Variants in SERPINF2 observed in about 807,000 individuals in gnomAD.
SERPINF2 encodes the protein alpha-2-antiplasmin.
In SERPINF2, 15 loss-of-function variants were observed where a neutral mutation model predicts 45.0. The observed-to-expected ratio is 0.33, with a 90% CI of 0.22 to 0.51. The LOEUF (loss-of-function observed/expected upper bound fraction) is 0.51. Among genes scored for constraint, SERPINF2 ranks in the 20% least tolerant of loss-of-function variants. SERPINF2 has a pLI of 0.97. For missense variants in SERPINF2, 518 were observed against 637.4 expected (o/e 0.81, Z 2.02); for synonymous variants, 283 against 277.9 (o/e 1.02, Z -0.18).
chr17:1,753,328 G>T (rs993667953), intron 9 of SERPINF2, among the ~76,000 whole-genome samples: 2 of 152,230 alleles, frequency 1.3e-5, no homozygotes, highest in African/African-American at 4.8e-5. Context: ...GGCTGAGGCT[G>T]CAGTGAGCCA....
Position 1,747,095 on chromosome 17 carries a change from G to A in SERPINF2, c.444G>A (p.Leu148=), listed in dbSNP as rs771226291. The part of the protein sequence containing the change: ...AGSGPCLPHL[L]SRLCQDLGPG... ...CAGGGCCCTGCCTCCCCCATCTGCTGAGCCGCCTCTGCCAGGACCTGGGCC... is the reference window on the plus strand; with the variant it reads ...CAGGGCCCTGCCTCCCCCATCTGCTAAGCCGCCTCTGCCAGGACCTGGGCC... Residue 148 remains leucine, a synonymous_variant, in exon 6 of 10, where the codon CTG becomes CTA. Coordinates refer to ENST00000453066, the MANE Select transcript of SERPINF2 (RefSeq NM_000934.4). 2.5e-6 allele frequency: 4 copies of A among 1,610,642 alleles called. No individual in the cohort carries two copies.
At chr17:1,746,852 C>A (rs1481291026) in intron 5 of SERPINF2, among the ~76,000 whole-genome samples, 167 bp from the exon 6 acceptor site, 3 of 152,188 alleles carry the variant, frequency 2.0e-5, no homozygotes, top group Admixed American at 6.5e-5. Context: ...GTCACCCAGC[C>A]TGTCAGCCAC....
At chr17:1,743,000 A>T in intron 1 of SERPINF2, 92 bp downstream of exon 1, 1 of 985,380 alleles carries the variant, frequency 1.0e-6, no homozygotes, top group Non-Finnish European at 1.2e-6. Flanking sequence ...TTTATTCAGG[A>T]GGCCTGTCAC....
chr17:1,754,186 C>T lies in SERPINF2; in HGVS notation c.1128C>T (p.Ser376=), dbSNP rs781095008. 2.2e-5 allele frequency: 36 copies of T among 1,612,386 alleles called. No homozygotes were observed. Among genetic ancestry groups the T allele is most frequent in the East Asian group, 1.6e-4 (7 of 44,896 alleles). The change falls in exon 10 of 10, where the codon TCC becomes TCT. Residue 376 remains serine (S), a synonymous_variant. Transcript: ENST00000453066. The part of the protein sequence containing the change: ...RGISEQSLVV[S]GVQHQSTLEL... ...TCTCCGAGCAGAGCCTGGTGGTGTC[C>T]GGCGTGCAGCATCAGTCCACCCTGG...
chr17:1,752,723 C>A lies in SERPINF2; in HGVS notation c.996C>A (p.Thr332=). The stretch of plus-strand genomic sequence containing the variant: ...CACCTCTGGTGTGGGAGAGGCCCAC[C>A]AAGGTCCGGCTGCCTAAGCTGTATC... The part of the protein sequence containing the change: ...LHPPLVWERP[T]KVRLPKLYLK... Residue 332 remains threonine (T), a synonymous_variant, in exon 9 of 10, where the codon ACC becomes ACA. Transcript: ENST00000453066. 4 of 1,614,110 alleles carry A rather than the reference C, an allele frequency of 2.5e-6. No homozygotes were observed. Among genetic ancestry groups the A allele is most frequent in the Non-Finnish European group, 3.4e-6 (4 of 1,180,034 alleles).
Position 1,745,749 on chromosome 17 carries a change from C to T in SERPINF2, c.207C>T (p.Val69=). 1.9e-6 allele frequency: 3 copies of T among 1,614,024 alleles called. No individual in the cohort carries two copies. The highest frequency in any genetic ancestry group is 2.5e-6 in the Non-Finnish European group (3 of 1,180,018). ...CTGCCCTGAAGAGTCCCCCAGGAGTCTGCAGCAGAGACCCCACCCCAGAGC... is the reference window on the plus strand; with the variant it reads ...CTGCCCTGAAGAGTCCCCCAGGAGTTTGCAGCAGAGACCCCACCCCAGAGC... The part of the protein sequence containing the change: ...GQTALKSPPG[V]CSRDPTPEQT... The change falls in exon 5 of 10, where the codon GTC becomes GTT. Residue 69 remains valine, a synonymous_variant. Coordinates refer to ENST00000453066, the MANE Select transcript of SERPINF2 (RefSeq NM_000934.4). This position sits in a 1 kb window ranked among gnomAD's most constrained non-coding sequence, Gnocchi z 6.2.
rs184186459 is a variant in SERPINF2 at position 1,744,474 on chromosome 17, C to T, written c.-4-518C>T. ...TGCCACTGCACTCCAGCCTGGTCAA[C>T]GAGAGCGAAACTCCGTCTCAAAAAA... On this transcript the variant is annotated intron_variant, in intron 1 of 9. Coordinates refer to ENST00000453066, the MANE Select transcript of SERPINF2 (RefSeq NM_000934.4). 554 of 900,468 alleles carry T rather than the reference C, an allele frequency of 6.2e-4. 1 individual carries two copies. The African/African-American group carries it at 8.0e-3, about 13-fold the overall frequency. The allele number at this position is 900,468 out of a possible 1,614,324, so 55.8% of individuals were successfully genotyped here. A position where few individuals can be genotyped will look rare whatever the true frequency, so the allele number is the denominator to read the frequency against.
At chr17:1,744,928 G>C (rs926583692) in intron 1 of SERPINF2, 64 bp from the exon 2 acceptor site, 85 of 1,611,194 alleles carry the variant, frequency 5.3e-5, no homozygotes, top group Non-Finnish European at 6.6e-5. Context: ...TGATCGCGTG[G>C]GTAGGATTCC....
chr17:1,743,687 C>T (rs549680583), intron 1 of SERPINF2, among the ~76,000 whole-genome samples: 2 of 143,440 alleles, frequency 1.4e-5, no homozygotes, highest in South Asian at 4.4e-4. Flanking sequence ...TGCACTCCAG[C>T]CTGCATGATA....
chr17:1,748,514 A>G, intron 7 of SERPINF2, 84 bp from the exon 8 acceptor site: 2 of 1,571,636 alleles, frequency 1.3e-6, no homozygotes, highest in African/African-American at 1.3e-5. Context: ...GCAGAGCCCA[A>G]GCTGGTCCCC....
In SERPINF2 at chr17:1,754,741, C is replaced by G. The variant is rs530113512; in HGVS notation, c.*207C>G. The G allele has an allele frequency of 4.9e-5, 31 of 631,448 alleles. No individual in the cohort carries two copies. The Admixed American group carries it at 8.8e-4, about 18-fold the overall frequency. The allele number at this position is 631,448 out of a possible 1,614,324, so 39.1% of individuals were successfully genotyped here. ...GCATCGGGGAGCCGGGAGCCTGACC[C>G]TCATCTTTCTTCCAAACAGGCTCAG... On this transcript the variant is annotated 3_prime_UTR_variant, in exon 10 of 10. Transcript: ENST00000453066.
At position 1,745,219 on chromosome 17, in the gene SERPINF2, G is replaced by T; in HGVS notation, c.102+6G>T. The T allele has an allele frequency of 6.4e-7, 1 of 1,572,786 alleles. No homozygotes were observed. Among genetic ancestry groups the T allele is most frequent in the Non-Finnish European group, 8.6e-7 (1 of 1,159,532 alleles). On this transcript the variant is annotated splice_donor_region_variant and intron_variant, in intron 3 of 9. Transcript: ENST00000453066. The surrounding 1 kb of genome is among the most constrained non-coding windows in gnomAD (Gnocchi z 6.2). ...TGGAGCCCTTGGGCCGGCAGGTACTGGGGAGTGAGGAGCCTGTGATGGGGG... is the reference window on the plus strand; with the variant it reads ...TGGAGCCCTTGGGCCGGCAGGTACTTGGGAGTGAGGAGCCTGTGATGGGGG...
Position 1,754,153 on chromosome 17 carries a change from G to A in SERPINF2, c.1095G>A (p.Leu365=), listed in dbSNP as rs1906630902. The change falls in exon 10 of 10, where the codon CTG becomes CTA. Residue 365 remains leucine (L), a synonymous_variant. Transcript: ENST00000453066. ...AGGAGTTGTTCCAGGCCCCAGACCT[G>A]CGTGGGATCTCCGAGCAGAGCCTGG... ...GLQELFQAPD[L]RGISEQSLVV... is the part of the protein sequence containing the mutation. 2.5e-6 allele frequency: 4 copies of A among 1,609,098 alleles called. No individual in the cohort carries two copies. Among genetic ancestry groups the A allele is most frequent in the Admixed American group, 3.3e-5 (2 of 60,004 alleles).
At chr17:1,746,035 C>T in intron 5 of SERPINF2, 126 bp downstream of exon 5, 4 of 1,083,254 alleles carry the variant, frequency 3.7e-6, no homozygotes, top group Non-Finnish European at 5.6e-6. Context: ...AATGCAGATT[C>T]CTAGGCCGGG....
chr17:1,744,545 C>A (rs1418317243), intron 1 of SERPINF2: 1 of 985,178 alleles, frequency 1.0e-6, no homozygotes, highest in Non-Finnish European at 1.2e-6. Context: ...TTGGTCCTCA[C>A]CATGCATGTG....
chr17:1,753,090 A>T (rs1267216473), intron 9 of SERPINF2, among the ~76,000 whole-genome samples: 1 of 152,164 alleles, frequency 6.6e-6, no homozygotes, highest in Non-Finnish European at 1.5e-5. Flanking sequence ...AAGGGGAAGG[A>T]GGAGAAGCTG....
In SERPINF2 at chr17:1,747,182, A is replaced by T. The variant is rs764598500; in HGVS notation, c.511+20A>T. 5 of 1,611,718 alleles carry T rather than the reference A, an allele frequency of 3.1e-6. No homozygotes were observed. The Admixed American group carries it at 8.3e-5, about 27-fold the overall frequency. Reference sequence around the variant, plus strand: ...AGAAAGGTAGGCGCTGATGGCAGGGAGCTCCCTCAGTCCTGCCCTGGGTGG... The same window carrying T: ...AGAAAGGTAGGCGCTGATGGCAGGGTGCTCCCTCAGTCCTGCCCTGGGTGG... On this transcript the variant is annotated intron_variant, in intron 6 of 9. Coordinates refer to ENST00000453066, the MANE Select transcript of SERPINF2 (RefSeq NM_000934.4).
At chr17:1,753,199 G>A (rs1031082655) in intron 9 of SERPINF2, among the ~76,000 whole-genome samples, 3 of 152,212 alleles carry the variant, frequency 2.0e-5, no homozygotes, top group Admixed American at 1.3e-4. Flanking sequence ...GAGCCCGGGA[G>A]TCCGACACCA....
At chr17:1,744,488 C>G (rs115256859) in intron 1 of SERPINF2, 17 of 950,632 alleles carry the variant, frequency 1.8e-5, no homozygotes, top group Non-Finnish European at 1.9e-5. Flanking sequence ...AGCGAAACTC[C>G]GTCTCAAAAA....
Sources: allele counts gnomAD v4.1 joint callset (sites outside exome capture counted in the v4.1 genomes callset), GRCh38; gene constraint gnomAD v4.1.1; non-coding constraint Gnocchi (gnomAD v3.1); transcripts MANE v1.5; gene names NCBI Gene and HGNC (gene_info 2026-07-23, HGNC 2026-07-21).